MS4A6E: variants seen among roughly 807,000 people sequenced by gnomAD.
MS4A6E encodes the protein membrane-spanning 4-domains subfamily A member 6E.
In MS4A6E, 8 loss-of-function variants were observed where a neutral mutation model predicts 13.2. The observed-to-expected ratio is 0.60, with a 90% confidence interval of 0.35 to 1.09. MS4A6E has a LOEUF of 1.09. Ranked by LOEUF, MS4A6E falls within the 50% of genes least tolerant of loss-of-function variation. MS4A6E has a pLI of 0.02. For missense variants in MS4A6E, 177 were observed against 171.1 expected (o/e 1.03, Z -0.19); for synonymous variants, 72 against 67.6 (o/e 1.06, Z -0.32).
intron 3 of MS4A6E, among the ~76,000 whole-genome samples, chr11:60,339,542 G>C (rs1018789590): frequency 5.3e-5 from 8 of 152,148 alleles, no homozygotes; most frequent in African/African-American, 1.9e-4. Context: ...CTCAGTCCTG[G>C]GAGCTATTAC....
intron 4 of MS4A6E, among the ~76,000 whole-genome samples, chr11:60,348,207 G>T (rs1401143340): frequency 1.3e-5 from 2 of 152,146 alleles, no homozygotes; most frequent in Admixed American, 1.3e-4. Flanking sequence ...ATAAAGCCTG[G>T]TCTCTTGTGG....
At chr11:60,332,984 G>T (rs2085166724) in intron 1 of MS4A6E, among the ~76,000 whole-genome samples, 1 of 152,186 alleles carries the variant, frequency 6.6e-6, no homozygotes, top group Admixed American at 6.5e-5. Flanking sequence ...GTCACTTTGA[G>T]GAAAATGTTT....
At chr11:60,331,731 G>A (rs929392266) in intron 1 of MS4A6E, among the ~76,000 whole-genome samples, 3 of 152,124 alleles carry the variant, frequency 2.0e-5, no homozygotes, top group Admixed American at 6.5e-5. Flanking sequence ...ATGTCTTCCC[G>A]AAATTCATAT....
At chr11:60,330,884 G>A (rs980641641) in intron 1 of MS4A6E, among the ~76,000 whole-genome samples, 2 of 152,080 alleles carry the variant, frequency 1.3e-5, no homozygotes, top group Non-Finnish European at 2.9e-5. Context: ...ACACTTTCCC[G>A]ATTGCTTGTC....
intron 1 of MS4A6E, among the ~76,000 whole-genome samples, chr11:60,328,873 A>G (rs1329006644): frequency 2.0e-5 from 3 of 152,204 alleles, no homozygotes; most frequent in Non-Finnish European, 2.9e-5. Context: ...CAGTACAAAG[A>G]CGATAGTTAA....
downstream of MS4A6E, among the ~76,000 whole-genome samples, chr11:60,343,945 G>A (rs2085244730): frequency 6.6e-6 from 1 of 152,120 alleles, no homozygotes; most frequent in Non-Finnish European, 1.5e-5. Context: ...CTTGGGGTCA[G>A]GAAGAGAGAG....
At chr11:60,333,332 G>C (rs188009229) in intron 1 of MS4A6E, among the ~76,000 whole-genome samples, 15 of 152,324 alleles carry the variant, frequency 9.8e-5, no homozygotes, top group African/African-American at 2.4e-4. Flanking sequence ...GGAGGAGTTA[G>C]AGGAATATAG....
intron 1 of MS4A6E, among the ~76,000 whole-genome samples, chr11:60,333,485 G>A (rs1207896879): frequency 3.9e-5 from 6 of 152,120 alleles, no homozygotes; most frequent in African/African-American, 1.2e-4. Context: ...TAGAGTACAG[G>A]GTATGAGAGG....
intron 4 of MS4A6E, among the ~76,000 whole-genome samples, chr11:60,347,280 G>A (rs2085260567): frequency 6.6e-6 from 1 of 152,166 alleles, no homozygotes; most frequent in Non-Finnish European, 1.5e-5. Flanking sequence ...TAGGTTGATT[G>A]TGCAATGCTT....
At chr11:60,343,964 G>C (rs762129445), downstream of MS4A6E, among the ~76,000 whole-genome samples, 5 of 152,120 alleles carry the variant, frequency 3.3e-5, no homozygotes, top group African/African-American at 1.2e-4. Flanking sequence ...AGAGAAGGGA[G>C]AGCTTTCACC....
chr11:60,340,702 A>G (rs1308340753), intron 4 of MS4A6E, 74 bp from the exon 5 acceptor site: 1 of 170,050 alleles, frequency 5.9e-6, no homozygotes, highest in Non-Finnish European at 1.3e-5. Flanking sequence ...ATCCACATGT[A>G]TCTTGAACCT....
At chr11:60,327,937 G>A (rs982372136) in intron 1 of MS4A6E, among the ~76,000 whole-genome samples, 4 of 148,030 alleles carry the variant, frequency 2.7e-5, no homozygotes, top group Admixed American at 2.1e-4. Flanking sequence ...GGCTGAGGCT[G>A]TAGAATTGCT....
chr11:60,333,088 T>A (rs964855762), intron 1 of MS4A6E, among the ~76,000 whole-genome samples: 1 of 152,254 alleles, frequency 6.6e-6, no homozygotes, highest in Non-Finnish European at 1.5e-5. Context: ...TTTTGTGAAA[T>A]AGCTTATGCT....
In MS4A6E at chr11:60,337,889, C is replaced by G. The variant is rs1565156566; in HGVS notation, c.296C>G (p.Ser99Cys). The G allele has an allele frequency of 5.0e-6, 8 of 1,614,092 alleles. No homozygotes were observed. Reference sequence around the variant, plus strand: ...GATATACCAACCAGACTTCTTCTTTCTTATGATTATCATTCACCTTACACC... The same window carrying G: ...GATATACCAACCAGACTTCTTCTTTGTTATGATTATCATTCACCTTACACC... ...EKDIPTRLLL[S>C]YDYHSPYTMD... Residue 99 changes from serine to cysteine, a missense_variant, in exon 3 of 5, where the codon TCT becomes TGT. By Grantham distance (112) the Ser-to-Cys change is moderately radical. Coordinates refer to ENST00000684409, the MANE Select transcript of MS4A6E (RefSeq NM_139249.4).
At chr11:60,341,558 A>G (rs2085225808), downstream of MS4A6E, among the ~76,000 whole-genome samples, 1 of 152,034 alleles carries the variant, frequency 6.6e-6, no homozygotes, top group African/African-American at 2.4e-5. Flanking sequence ...TTGTTTGAGT[A>G]TAACAAACAT....
At chr11:60,346,165 T>C (rs1358989438), downstream of MS4A6E, among the ~76,000 whole-genome samples, 1 of 152,184 alleles carries the variant, frequency 6.6e-6, no homozygotes. Context: ...CAGTGATCCA[T>C]GCTACAGTCT....
intron 3 of MS4A6E, among the ~76,000 whole-genome samples, chr11:60,339,394 C>T (rs2085209297): frequency 1.3e-5 from 2 of 152,188 alleles, no homozygotes; most frequent in Admixed American, 1.3e-4. Context: ...CTCCTTGATC[C>T]TCACAAATCT....
intron 4 of MS4A6E, among the ~76,000 whole-genome samples, chr11:60,348,076 T>TA (rs1483429896): frequency 1.3e-5 from 2 of 152,026 alleles, no homozygotes; most frequent in Non-Finnish European, 2.9e-5. Context: ...GAGGTTTCTT[T>TA]AAAAAACCCA....
intron 1 of MS4A6E, among the ~76,000 whole-genome samples, chr11:60,330,813 C>A (rs2085150690): frequency 6.6e-6 from 1 of 151,964 alleles, no homozygotes; most frequent in African/African-American, 2.4e-5. Flanking sequence ...AGGAAGTGGC[C>A]CAGTTTTAGT....
Sources: allele counts gnomAD v4.1 joint callset (sites outside exome capture counted in the v4.1 genomes callset), GRCh38; gene constraint gnomAD v4.1.1; transcripts MANE v1.5; gene names NCBI Gene and HGNC (gene_info 2026-07-23, HGNC 2026-07-21).